The following ZC3H12D variants were observed in gnomAD, a reference collection of about 807,000 sequenced individuals.
ZC3H12D encodes zinc finger CCCH-type containing 12D, also known as probable ribonuclease ZC3H12D.
ZC3H12D carries 11 observed loss-of-function variants against 24.2 expected under a neutral mutation model. The observed-to-expected ratio is 0.46, with a 90% CI of 0.29 to 0.75. The LOEUF is 0.75. Among genes scored for constraint, ZC3H12D ranks in the 30% least tolerant of loss-of-function variants. The probability of loss-of-function intolerance (pLI) is 0.11; values close to 1 mark genes in which losing one functional copy is unlikely to be tolerated. For synonymous variants in ZC3H12D, 333 were observed against 341.8 expected, an observed-to-expected ratio of 0.97 and a Z score of 0.28; for missense variants, 740 against 767.7, an observed-to-expected ratio of 0.96 and a Z score of 0.43.
At position 149,474,613 on chromosome 6, in the gene ZC3H12D, G is replaced by A. The variant is rs1776302835; in HGVS notation, c.-70C>T. Reference sequence around the variant, plus strand: ...TCCTCTCAGAGCCCTGCAGACATGAGCTAAAGAGAAAAAAAATGCATCCAT... The same window carrying A: ...TCCTCTCAGAGCCCTGCAGACATGAACTAAAGAGAAAAAAAATGCATCCAT... On this transcript the variant is annotated splice_region_variant and 5_prime_UTR_variant, in exon 2 of 6. Transcript: ENST00000409806. The A allele has an allele frequency of 2.3e-6, 3 of 1,329,236 alleles. No individual in the cohort carries two copies. The highest frequency in any genetic ancestry group is 6.1e-5 in the Admixed American group (2 of 32,632). 82.3% of individuals were successfully genotyped at this position (1,329,236 alleles called of 1,614,324 possible).
chr6:149,477,719 G>A (rs1414420684), intron 1 of ZC3H12D, among the ~76,000 whole-genome samples: 2 of 152,160 alleles, frequency 1.3e-5, no homozygotes, highest in African/African-American at 4.8e-5. Context: ...TTATAAGTCT[G>A]TGAGATAAAC....
At chr6:149,478,166 CAAA>C (rs34745745) in intron 1 of ZC3H12D, among the ~76,000 whole-genome samples, 20,584 of 116,706 alleles carry the variant, frequency 0.18, 1,807 homozygotes, top group Non-Finnish European at 0.25. Context: ...GACTCCATCT[CAAA>C]AAAAAAAAAA....
intron 1 of ZC3H12D, among the ~76,000 whole-genome samples, chr6:149,481,915 G>A (rs1049919522): frequency 1.3e-5 from 2 of 152,242 alleles, no homozygotes; most frequent in Non-Finnish European, 1.5e-5. Context: ...ACCAAGGAAC[G>A]GCTCTGAGGA....
chr6:149,459,617 G>C (rs774005251), intron 3 of ZC3H12D: 2 of 717,802 alleles, frequency 2.8e-6, no homozygotes, highest in South Asian at 3.0e-5. Flanking sequence ...CAGGTGAGCT[G>C]AGCTACTCCC....
In ZC3H12D at chr6:149,456,623, G is replaced by GGTGGGACGGCC; in HGVS notation, c.680+42_680+43insGGCCGTCCCAC. 1 of 744,590 alleles carries GGTGGGACGGCC rather than the reference G, an allele frequency of 1.3e-6. No homozygotes were observed. The highest frequency in any genetic ancestry group is 2.2e-6 in the Non-Finnish European group (1 of 456,108). The allele number at this position is 744,590 out of a possible 1,614,324, so 46.1% of individuals were successfully genotyped here. A position where few individuals can be genotyped will look rare whatever the true frequency, so the allele number is the denominator to read the frequency against. The stretch of plus-strand genomic sequence containing the variant: ...GCCACTGCCTCGACCCCGGCCCCCC[G>GGTGGGACGGCC]CCCCGCCGCCCCCCAGGGTGTCAGG... On this transcript the variant is annotated intron_variant, in intron 4 of 5. Coordinates refer to ENST00000409806, the MANE Select transcript of ZC3H12D (RefSeq NM_207360.3). The surrounding 1 kb of genome is among the most constrained non-coding windows in gnomAD (Gnocchi z 4.3).
chr6:149,460,572 C>A (rs2341770), intron 3 of ZC3H12D, among the ~76,000 whole-genome samples: 2,904 of 152,164 alleles, frequency 0.019, 193 homozygotes, highest in Admixed American at 0.13. Flanking sequence ...CGGTGGCTCA[C>A]ACATGTAATC....
At chr6:149,455,705 G>A (rs2115002519) in intron 4 of ZC3H12D, among the ~76,000 whole-genome samples, 1 of 152,220 alleles carries the variant, frequency 6.6e-6, no homozygotes, top group East Asian at 1.9e-4. Flanking sequence ...TCAACCCAGA[G>A]TCAGGGCCAG....
In ZC3H12D at chr6:149,452,884, C is replaced by T. The variant is rs561601939; in HGVS notation, c.681-162G>A. Among the ~76,000 whole-genome samples, 29 of 152,278 alleles carry T rather than the reference C, an allele frequency of 1.9e-4. No individual in the cohort carries two copies. Among genetic ancestry groups the T allele is most frequent in the Non-Finnish European group, 3.1e-4 (21 of 68,020 alleles). ...TCACAGCATCTTAAAGCAAAACCTT[C>T]CCTTCACACTGAACCCCATGCAGAG... On this transcript the variant is annotated intron_variant, in intron 4 of 5. Coordinates refer to ENST00000409806, the MANE Select transcript of ZC3H12D (RefSeq NM_207360.3). The surrounding 1 kb of genome is among the most constrained non-coding windows in gnomAD (Gnocchi z 4.0).
At chr6:149,461,389 C>T (rs1163938421) in intron 3 of ZC3H12D, among the ~76,000 whole-genome samples, 1 of 151,564 alleles carries the variant, frequency 6.6e-6, no homozygotes, top group East Asian at 1.9e-4. Flanking sequence ...CAGTTTTCTT[C>T]TTCTTTTTAA....
chr6:149,464,623 G>A (rs975579283), intron 2 of ZC3H12D, among the ~76,000 whole-genome samples: 4 of 152,132 alleles, frequency 2.6e-5, no homozygotes, highest in African/African-American at 7.2e-5. Flanking sequence ...TAAACCGTGG[G>A]CTCCTCTTGC....
intron 1 of ZC3H12D, among the ~76,000 whole-genome samples, chr6:149,478,239 C>A (rs1231465122): frequency 6.6e-6 from 1 of 151,940 alleles, no homozygotes; most frequent in African/African-American, 2.4e-5. Context: ...CTTATCCTCT[C>A]CTGAGTGTAC....
intron 4 of ZC3H12D, among the ~76,000 whole-genome samples, chr6:149,455,893 C>A (rs1775971061): frequency 6.7e-6 from 1 of 150,024 alleles, no homozygotes; most frequent in Non-Finnish European, 1.5e-5. Flanking sequence ...TAGAGCAAGA[C>A]CCTGTCAAAG....
rs1775976019 is a variant in ZC3H12D, at chr6:149,456,122, C to T, written c.680+544G>A. ...AAAAAATTAGCCAGGCATGGTGGTG[C>T]GTGCCTATAATCTCAGCTACTCGGG... On this transcript the variant is annotated intron_variant, in intron 4 of 5. Transcript: ENST00000409806. The surrounding 1 kb of genome is among the most constrained non-coding windows in gnomAD (Gnocchi z 4.3). 6.6e-6 allele frequency among the ~76,000 whole-genome samples: 1 copy of T among 150,790 alleles called. No individual in the cohort carries two copies. The highest frequency in any genetic ancestry group is 2.4e-5 in the African/African-American group (1 of 40,912).
In ZC3H12D at chr6:149,456,630, CG is replaced by C; in HGVS notation, c.680+35del. 6.0e-5 allele frequency: 86 copies of C among 1,426,320 alleles called. No homozygotes were observed. Among genetic ancestry groups the C allele is most frequent in the Non-Finnish European group, 7.7e-5 (78 of 1,015,972 alleles). The allele number at this position is 1,426,320 out of a possible 1,614,324, so 88.4% of individuals were successfully genotyped here. ...CCTCGACCCCGGCCCCCCGCCCCGCCGCCCCCCAGGGTGTCAGGACCCCAGC... is the reference window on the plus strand; with the variant it reads ...CCTCGACCCCGGCCCCCCGCCCCGCCCCCCCCAGGGTGTCAGGACCCCAGC... On this transcript the variant is annotated intron_variant, in intron 4 of 5. Transcript: ENST00000409806. The surrounding 1 kb of genome is among the most constrained non-coding windows in gnomAD (Gnocchi z 4.3).
chr6:149,479,582 T>C (rs763231171), intron 1 of ZC3H12D, among the ~76,000 whole-genome samples: 19 of 152,224 alleles, frequency 1.2e-4, no homozygotes, highest in Non-Finnish European at 2.6e-4. Context: ...ACCTGTCTTA[T>C]AACACAATGA....
chr6:149,456,643 G>T lies in ZC3H12D; in HGVS notation c.680+23C>A, dbSNP rs749597138. 7.1e-6 allele frequency: 11 copies of T among 1,547,940 alleles called. No homozygotes were observed. Among genetic ancestry groups the T allele is most frequent in the Admixed American group, 1.7e-5 (1 of 59,772 alleles). ...CCCCCGCCCCGCCGCCCCCCAGGGT[G>T]TCAGGACCCCAGCCGGACCTACCGG... is the stretch of plus-strand genomic sequence containing the variant. On this transcript the variant is annotated intron_variant, in intron 4 of 5. Transcript: ENST00000409806. This position sits in a 1 kb window ranked among gnomAD's most constrained non-coding sequence, Gnocchi z 4.3.
chr6:149,468,027 A>G (rs2115008910), intron 2 of ZC3H12D, among the ~76,000 whole-genome samples: 1 of 152,090 alleles, frequency 6.6e-6, no homozygotes, highest in Non-Finnish European at 1.5e-5. Flanking sequence ...TGTTGCCCAG[A>G]CTGGAGTGCA....
chr6:149,476,826 G>A (rs1383988496), intron 1 of ZC3H12D, among the ~76,000 whole-genome samples: 1 of 151,960 alleles, frequency 6.6e-6, no homozygotes, highest in Non-Finnish European at 1.5e-5. Context: ...GAATAGAATA[G>A]AATAAAAATG....
At chr6:149,468,793 C>G (rs1025697015) in intron 2 of ZC3H12D, among the ~76,000 whole-genome samples, 1 of 152,066 alleles carries the variant, frequency 6.6e-6, no homozygotes, top group Non-Finnish European at 1.5e-5. Flanking sequence ...ACCCCCAGCC[C>G]GGTCATAAAC....
Sources: gnomAD v4.1 joint callset for allele counts (sites outside exome capture counted in the v4.1 genomes callset) on GRCh38, gnomAD v4.1.1 for gene constraint, Gnocchi (gnomAD v3.1) non-coding constraint, MANE v1.5 for transcripts, NCBI Gene and HGNC (gene_info 2026-07-23, HGNC 2026-07-21) for gene names.